Variants in WDR7 observed in about 807,000 individuals in gnomAD.
The protein encoded by WDR7 is WD repeat domain 7, also known as WD repeat-containing protein 7.
Under a neutral mutation model 169.4 loss-of-function variants are expected in WDR7, and 46 were observed. The ratio of observed to expected loss-of-function variants is 0.27; its 90% CI spans 0.21 to 0.35. WDR7 has a LOEUF of 0.35. WDR7 is among the 10% of genes least tolerant of loss of function. The probability of loss-of-function intolerance (pLI) is 1.00; values close to 1 mark genes in which losing one functional copy is unlikely to be tolerated. For synonymous variants in WDR7, 612 were observed against 666.8 expected, an observed-to-expected ratio of 0.92 and a Z score of 1.27; for missense variants, 1,534 against 1,859.3, an observed-to-expected ratio of 0.83 and a Z score of 3.22.
At chr18:56,879,650 A>C (rs997841077) in intron 20 of WDR7, among the ~76,000 whole-genome samples, 1 of 152,172 alleles carries the variant, frequency 6.6e-6, no homozygotes, top group Non-Finnish European at 1.5e-5. Flanking sequence ...TATCTAAGAA[A>C]TCATTATATA....
chr18:56,751,069 A>G (rs1021758701), intron 14 of WDR7, among the ~76,000 whole-genome samples: 1 of 150,360 alleles, frequency 6.7e-6, no homozygotes, highest in Non-Finnish European at 1.5e-5. Context: ...TTCTTTTTTT[A>G]AACTCTTTTT....
chr18:56,804,832 T>C (rs2044741592), intron 19 of WDR7, among the ~76,000 whole-genome samples: 2 of 152,356 alleles, frequency 1.3e-5, no homozygotes, highest in African/African-American at 2.4e-5. Flanking sequence ...TCTTCATTTA[T>C]TGAGGAACTT....
Position 56,718,114 on chromosome 18 carries a change from G to A in WDR7, c.1729G>A (p.Val577Met), listed in dbSNP as rs376733707. 1.7e-5 allele frequency: 28 copies of A among 1,613,980 alleles called. No homozygotes were observed. The highest frequency in any genetic ancestry group is 2.4e-5 in the Non-Finnish European group (28 of 1,179,988). Reference sequence around the variant, plus strand: ...GAGGCCTTCTGATGATTACCTGGTGGTGGGGTGTTCAGATGGTTCTGTGTA... The same window carrying A: ...GAGGCCTTCTGATGATTACCTGGTGATGGGGTGTTCAGATGGTTCTGTGTA... The part of the protein sequence containing the change: ...KWRPSDDYLV[V>M]GCSDGSVYVW... The change falls in exon 13 of 28, where the codon GTG becomes ATG. Residue 577 changes from valine (V) to methionine (M), a missense_variant. Transcript: ENST00000254442.
chr18:56,788,010 C>T (rs1482235777), intron 19 of WDR7, among the ~76,000 whole-genome samples: 3 of 152,148 alleles, frequency 2.0e-5, no homozygotes, highest in Admixed American at 2.0e-4. Context: ...AGCGTTCTTC[C>T]TTCTTTCTCT....
Position 56,718,085 on chromosome 18 carries a change from A to G in WDR7, c.1700A>G (p.Lys567Arg), listed in dbSNP as rs776506151. 1.2e-6 allele frequency: 2 copies of G among 1,614,158 alleles called. No homozygotes were observed. The highest frequency in any genetic ancestry group is 1.7e-5 in the Admixed American group (1 of 60,030). Reference sequence around the variant, plus strand: ...CACCTTTTTCCTATTCAAGTAATCAAATGGAGGCCTTCTGATGATTACCTG... The same window carrying G: ...CACCTTTTTCCTATTCAAGTAATCAGATGGAGGCCTTCTGATGATTACCTG... ...SRHLFPIQVI[K>R]WRPSDDYLVV... is the part of the protein sequence containing the mutation. The change falls in exon 13 of 28, where the codon AAA becomes AGA. Residue 567 changes from lysine (K) to arginine (R), a missense_variant. Transcript: ENST00000254442.
At chr18:56,873,734 C>G (rs1203165645) in intron 20 of WDR7, 1 of 152,216 alleles carries the variant, frequency 6.6e-6, no homozygotes, top group Non-Finnish European at 1.5e-5. Context: ...AATCCATAAC[C>G]AGAGCTGTGC....
At chr18:56,915,827 CT>C (rs2145616043) in intron 21 of WDR7, among the ~76,000 whole-genome samples, 1 of 152,336 alleles carries the variant, frequency 6.6e-6, no homozygotes, top group African/African-American at 2.4e-5. Context: ...ACTCCTCTCT[CT>C]GGCCAATGGT....
chr18:56,841,531 G>GC (rs1426127072), intron 20 of WDR7, among the ~76,000 whole-genome samples: 1 of 149,978 alleles, frequency 6.7e-6, no homozygotes, highest in Non-Finnish European at 1.5e-5. Context: ...GGACGACAGA[G>GC]TGAGACTCTG....
rs184264053 is a variant in WDR7, at chr18:56,954,071, C to T, written c.4065-8359C>T. Among the ~76,000 whole-genome samples, 621 of 152,286 alleles carry T rather than the reference C, an allele frequency of 4.1e-3. 3 individuals are homozygous for T. The highest frequency in any genetic ancestry group is 0.013 in the African/African-American group (545 of 41,574). Reference sequence around the variant, plus strand: ...TAGATATTAAAGACATTAGTAGTGGCATGGAGGGTACTAACTTTAAAGGAC... The same window carrying T: ...TAGATATTAAAGACATTAGTAGTGGTATGGAGGGTACTAACTTTAAAGGAC... On this transcript the variant is annotated intron_variant, in intron 25 of 27. Coordinates refer to ENST00000254442, the MANE Select transcript of WDR7 (RefSeq NM_015285.3).
At chr18:56,853,415 A>G (rs2045670502) in intron 20 of WDR7, among the ~76,000 whole-genome samples, 1 of 152,188 alleles carries the variant, frequency 6.6e-6, no homozygotes, top group African/African-American at 2.4e-5. Context: ...TTCATTTCCC[A>G]GTTATCTTAC....
intron 8 of WDR7, 103 bp downstream of exon 8, chr18:56,691,464 C>G: frequency 7.7e-7 from 1 of 1,298,314 alleles, no homozygotes; most frequent in Non-Finnish European, 1.0e-6. Context: ...AAATATTTAA[C>G]TTTGATAAAA....
At chr18:56,860,499 T>A (rs1241447492) in intron 20 of WDR7, among the ~76,000 whole-genome samples, 2 of 152,084 alleles carry the variant, frequency 1.3e-5, no homozygotes, top group African/African-American at 4.8e-5. Context: ...AATAAAAAAA[T>A]CAATATACAC....
At chr18:56,945,367 G>C (rs1284245245) in intron 25 of WDR7, among the ~76,000 whole-genome samples, 9 of 152,158 alleles carry the variant, frequency 5.9e-5, no homozygotes, top group Non-Finnish European at 1.0e-4. Context: ...TCTATCCTAT[G>C]AACAGTGTGA....
chr18:56,988,763 GT>G (rs2047766131), intron 26 of WDR7, among the ~76,000 whole-genome samples: 1 of 152,014 alleles, frequency 6.6e-6, no homozygotes, highest in Non-Finnish European at 1.5e-5. Context: ...ATAGTTGGAA[GT>G]TCTATAGGGA....
intron 1 of WDR7, among the ~76,000 whole-genome samples, chr18:56,656,236 C>T (rs979020913): frequency 4.0e-5 from 6 of 150,440 alleles, no homozygotes; most frequent in African/African-American, 1.5e-4. Context: ...TGAGAGATTG[C>T]ATTTCTTTGC....
intron 27 of WDR7, among the ~76,000 whole-genome samples, chr18:57,022,016 A>G (rs2048299319): frequency 6.6e-6 from 1 of 152,204 alleles, no homozygotes; most frequent in Admixed American, 6.5e-5. Flanking sequence ...TTATTTTCTC[A>G]TTAGCCTTTC....
chr18:56,816,143 T>C lies in WDR7; in HGVS notation c.3303T>C (p.Thr1101=), dbSNP rs1238588667. 6.2e-7 allele frequency: 1 copy of C among 1,609,732 alleles called. No homozygotes were observed. The highest frequency in any genetic ancestry group is 1.3e-5 in the African/African-American group (1 of 74,636). The change falls in exon 20 of 28, where the codon ACT becomes ACC. Residue 1101 remains threonine (T), a splice_region_variant and synonymous_variant. Coordinates refer to ENST00000254442, the MANE Select transcript of WDR7 (RefSeq NM_015285.3). ...EHDLVDDDIT[T]GCLSSVPQMK... Reference sequence around the variant, plus strand: ...ACCTTGTTGACGATGACATCACCACTGGTAAGCACAGACATCTTTAACGTC... The same window carrying C: ...ACCTTGTTGACGATGACATCACCACCGGTAAGCACAGACATCTTTAACGTC...
At chr18:57,015,522 C>G (rs911632816) in intron 26 of WDR7, among the ~76,000 whole-genome samples, 6 of 152,108 alleles carry the variant, frequency 3.9e-5, no homozygotes, top group African/African-American at 1.2e-4. Flanking sequence ...GAGCCTTTCC[C>G]TTGCCTAACA....
intron 19 of WDR7, among the ~76,000 whole-genome samples, chr18:56,796,222 C>G (rs976250758): frequency 2.6e-5 from 4 of 152,162 alleles, no homozygotes; most frequent in Admixed American, 2.6e-4. Flanking sequence ...GTAAGGGATG[C>G]CTCATCTTCA....
Sources: allele counts gnomAD v4.1 joint callset (sites outside exome capture counted in the v4.1 genomes callset), GRCh38; gene constraint gnomAD v4.1.1; transcripts MANE v1.5; gene names NCBI Gene and HGNC (gene_info 2026-07-23, HGNC 2026-07-21).